WWP2: variants seen among roughly 807,000 people sequenced by gnomAD.
WWP2 encodes the protein NEDD4-like E3 ubiquitin-protein ligase WWP2.
In WWP2, 57 loss-of-function variants were observed where a neutral mutation model predicts 121.0. The ratio of observed to expected loss-of-function variants is 0.47; its 90% confidence interval spans 0.38 to 0.59. WWP2 has a LOEUF of 0.59. WWP2 is among the 20% of genes least tolerant of loss of function. The probability of loss-of-function intolerance (pLI) is 0.00; values close to 1 mark genes in which losing one functional copy is unlikely to be tolerated. For synonymous variants in WWP2, 449 were observed against 441.3 expected, an observed-to-expected ratio of 1.02 and a Z score of -0.22; for missense variants, 962 against 1,158.9, an observed-to-expected ratio of 0.83 and a Z score of 2.47.
At chr16:69,843,321 C>T (rs190709611) in intron 6 of WWP2, among the ~76,000 whole-genome samples, 1 of 151,948 alleles carries the variant, frequency 6.6e-6, no homozygotes, top group African/African-American at 2.4e-5. Context: ...ACTGAAATTC[C>T]CATTTTATAC....
At chr16:69,828,159 T>C in intron 4 of WWP2, 1 of 334,144 alleles carries the variant, frequency 3.0e-6, no homozygotes, top group Non-Finnish European at 5.8e-6. Flanking sequence ...ATAAGGGTGG[T>C]CCTGGTTGGT....
Position 69,798,607 on chromosome 16 carries a change from C to A in WWP2, c.71-75C>A. The A allele has an allele frequency of 4.0e-6, 6 of 1,485,346 alleles. No homozygotes were observed. In the South Asian group the frequency reaches 5.5e-5, roughly 14 times the overall value. The allele number at this position is 1,485,346 out of a possible 1,614,324, so 92.0% of individuals were successfully genotyped here. A position where few individuals can be genotyped will look rare whatever the true frequency, so the allele number is the denominator to read the frequency against. ...TTTTTAAAGCAATAACTAAAAAGAG[C>A]CGGAACATCTGCCACAGGGGGGCAT... On this transcript the variant is annotated intron_variant, in intron 2 of 23. Coordinates refer to ENST00000359154, the MANE Select transcript of WWP2 (RefSeq NM_001270454.2).
At chr16:69,772,951 C>T (rs929164932) in intron 1 of WWP2, among the ~76,000 whole-genome samples, 10 of 151,974 alleles carry the variant, frequency 6.6e-5, no homozygotes, top group Non-Finnish European at 1.5e-4. Context: ...GTTTTTTTCC[C>T]TTTCTGTGGG....
intron 6 of WWP2, among the ~76,000 whole-genome samples, chr16:69,862,066 TTTTG>T (rs1208178654): frequency 2.6e-5 from 4 of 152,204 alleles, no homozygotes; most frequent in African/African-American, 4.8e-5. Flanking sequence ...GGTTGTTTTG[TTTTG>T]TTTGTTTGTT....
chr16:69,837,975 C>A (rs977979831), intron 4 of WWP2, among the ~76,000 whole-genome samples: 1 of 152,068 alleles, frequency 6.6e-6, no homozygotes, highest in Non-Finnish European at 1.5e-5. Context: ...GTAATCCCAG[C>A]ACTTTGGGAG....
chr16:69,909,376 C>T (rs772043997), intron 9 of WWP2: 1 of 986,370 alleles, frequency 1.0e-6, no homozygotes, highest in Non-Finnish European at 1.2e-6. Flanking sequence ...ATGAAGGGCT[C>T]CTGTATAAAA....
At chr16:69,859,569 AAG>A (rs2057379375) in intron 6 of WWP2, among the ~76,000 whole-genome samples, 1 of 152,042 alleles carries the variant, frequency 6.6e-6, no homozygotes. Flanking sequence ...AAAAAAGAAA[AAG>A]AAAAAAAAAG....
At chr16:69,913,299 G>T (rs71397992) in intron 9 of WWP2, among the ~76,000 whole-genome samples, 1 of 150,800 alleles carries the variant, frequency 6.6e-6, no homozygotes, top group Non-Finnish European at 1.5e-5. Flanking sequence ...TCCCAAAGTG[G>T]TGGGATTACA....
chr16:69,825,356 A>G (rs1232978864), intron 4 of WWP2, among the ~76,000 whole-genome samples: 3 of 151,210 alleles, frequency 2.0e-5, no homozygotes, highest in African/African-American at 7.3e-5. Context: ...CCCAGGAGGC[A>G]GAGGTTGCAG....
In WWP2 at chr16:69,888,225, A is replaced by G. The variant is rs747946536; in HGVS notation, c.890A>G (p.Gln297Arg). Residue 297 changes from glutamine to arginine, a missense_variant, in exon 8 of 24, where the codon CAG (glutamine) becomes CGG (arginine). Coordinates refer to ENST00000359154, the MANE Select transcript of WWP2 (RefSeq NM_001270454.2). ...ACACAGCAGCTCCCAGCGGCTGCCCAGGCCCCCGACGCTCTGCCTGCTGGG... is the reference window on the plus strand; with the variant it reads ...ACACAGCAGCTCCCAGCGGCTGCCCGGGCCCCCGACGCTCTGCCTGCTGGG... ...SGTQQLPAAA[Q>R]APDALPAGWE... 107 of 1,614,002 alleles carry G rather than the reference A, an allele frequency of 6.6e-5. No individual in the cohort carries two copies. Among genetic ancestry groups the G allele is most frequent in the Non-Finnish European group, 8.6e-5 (102 of 1,180,022 alleles).
At chr16:69,862,851 G>A (rs3790082) in intron 6 of WWP2, among the ~76,000 whole-genome samples, 79,577 of 150,342 alleles carry the variant, frequency 0.53, 21,516 homozygotes, top group East Asian at 0.9. Flanking sequence ...TCAGCCTCCC[G>A]CATAGCTGGG....
At chr16:69,778,778 A>T (rs911333346) in intron 1 of WWP2, among the ~76,000 whole-genome samples, 1 of 150,338 alleles carries the variant, frequency 6.7e-6, no homozygotes, top group African/African-American at 2.5e-5. Flanking sequence ...AGTAGCTGGG[A>T]TTATAGTTGC....
At chr16:69,883,241 A>C (rs546189933) in intron 7 of WWP2, among the ~76,000 whole-genome samples, 51 of 152,222 alleles carry the variant, frequency 3.4e-4, no homozygotes, top group Non-Finnish European at 6.6e-4. Flanking sequence ...TTCTATTTGA[A>C]GCCTCATTAG....
At chr16:69,862,102 G>A (rs1244638734) in intron 6 of WWP2, among the ~76,000 whole-genome samples, 2 of 152,312 alleles carry the variant, frequency 1.3e-5, no homozygotes, top group South Asian at 4.1e-4. Flanking sequence ...TTTCGCTCTT[G>A]TTGCCCCGGC....
intron 6 of WWP2, among the ~76,000 whole-genome samples, chr16:69,842,695 G>C (rs2057001754): frequency 6.6e-6 from 1 of 151,886 alleles, no homozygotes; most frequent in African/African-American, 2.4e-5. Flanking sequence ...TTTGATATGG[G>C]GTCTTGCTTT....
chr16:69,826,964 GC>G (rs76023406), intron 4 of WWP2, among the ~76,000 whole-genome samples: 808 of 15,076 alleles, frequency 0.054, 18 homozygotes, highest in African/African-American at 0.083. Flanking sequence ...AGGGGGGGGG[GC>G]GGAGAGAATA....
chr16:69,779,861 T>TA (rs2055626146), intron 1 of WWP2, among the ~76,000 whole-genome samples: 1 of 152,240 alleles, frequency 6.6e-6, no homozygotes, highest in Non-Finnish European at 1.5e-5. Context: ...TTATTCAAGA[T>TA]ACGATCTTTT....
chr16:69,843,512 C>T (rs1286675214), intron 6 of WWP2, among the ~76,000 whole-genome samples: 1 of 152,040 alleles, frequency 6.6e-6, no homozygotes, highest in Non-Finnish European at 1.5e-5. Context: ...GTACAAACTA[C>T]GAATGTAGTT....
At chr16:69,814,627 A>G (rs1047509593) in intron 4 of WWP2, among the ~76,000 whole-genome samples, 1 of 152,184 alleles carries the variant, frequency 6.6e-6, no homozygotes, top group Non-Finnish European at 1.5e-5. Flanking sequence ...TCAAAAAGAG[A>G]AAGAAAAAGA....
Sources: gnomAD v4.1 joint callset for allele counts (sites outside exome capture counted in the v4.1 genomes callset) on GRCh38, gnomAD v4.1.1 for gene constraint, MANE v1.5 for transcripts, NCBI Gene and HGNC (gene_info 2026-07-23, HGNC 2026-07-21) for gene names.